Variants in DAB1 observed in about 807,000 individuals in gnomAD.
DAB1 encodes DAB adaptor protein 1, also known as disabled homolog 1.
DAB1 carries 15 observed loss-of-function variants against 64.6 expected under a neutral mutation model. That is an observed-to-expected ratio of 0.23 (90% CI 0.16 to 0.36). The LOEUF is 0.36. Ranked by LOEUF, DAB1 falls within the 10% of genes least tolerant of loss-of-function variation. The pLI, the probability that DAB1 is intolerant of heterozygous loss-of-function variation, is 1.00. For missense variants in DAB1, 596 were observed against 706.7 expected, an observed-to-expected ratio of 0.84 and a Z score of 1.78; for synonymous variants, 235 against 251.9, an observed-to-expected ratio of 0.93 and a Z score of 0.64.
In DAB1 at chr1:57,334,015, A is replaced by G. The variant is rs115234496; in HGVS notation, c.-136-42849T>C. On this transcript the variant is annotated intron_variant, in intron 1 of 14. Transcript: ENST00000371236. The stretch of plus-strand genomic sequence containing the variant: ...AGGAAGTGGTACAATTGAAGCAGGT[A>G]TTTGGGGGAAAGGGAAACCAAAATA... 2.1e-3 allele frequency among the ~76,000 whole-genome samples: 324 copies of G among 152,322 alleles called. 1 individual carries two copies. Among genetic ancestry groups the G allele is most frequent in the Non-Finnish European group, 3.7e-3 (252 of 68,032 alleles).
At chr1:57,170,587 G>A (rs1426706210) in intron 2 of DAB1, among the ~76,000 whole-genome samples, 1 of 152,096 alleles carries the variant, frequency 6.6e-6, no homozygotes, top group African/African-American at 2.4e-5. Context: ...GGAGGTGCAG[G>A]GGCTTTGAGA....
intron 14 of DAB1, among the ~76,000 whole-genome samples, chr1:57,005,853 T>C (rs1268074136): frequency 9.9e-5 from 15 of 152,190 alleles, no homozygotes; most frequent in Non-Finnish European, 1.5e-4. Context: ...AATACCTGAG[T>C]GTTCCTGTGA....
chr1:57,622,133 T>G (rs1352197052), intron 7 of DAB1, among the ~76,000 whole-genome samples: 1 of 152,192 alleles, frequency 6.6e-6, no homozygotes, highest in Non-Finnish European at 1.5e-5. Context: ...TCAATCAGTT[T>G]CAGAAATAAG....
intron 1 of DAB1, among the ~76,000 whole-genome samples, chr1:57,854,726 G>A (rs2101932323): frequency 6.6e-6 from 1 of 152,276 alleles, no homozygotes; most frequent in Non-Finnish European, 1.5e-5. Flanking sequence ...TGAATGTGCT[G>A]AGCTCCATTA....
chr1:58,518,116 G>A (rs1201924758), intron 2 of DAB1, among the ~76,000 whole-genome samples: 3 of 150,048 alleles, frequency 2.0e-5, no homozygotes. Context: ...AACACAGGAG[G>A]TGGTGGTTGC....
intron 3 of DAB1, among the ~76,000 whole-genome samples, chr1:58,412,891 C>G (rs1182595823): frequency 1.3e-5 from 2 of 152,124 alleles, no homozygotes; most frequent in Admixed American, 6.6e-5. Flanking sequence ...TTGTTAAAGT[C>G]ATTTTAGGCT....
At chr1:57,108,602 G>C (rs1278807015) in intron 4 of DAB1, among the ~76,000 whole-genome samples, 1 of 152,136 alleles carries the variant, frequency 6.6e-6, no homozygotes, top group Non-Finnish European at 1.5e-5. Context: ...TCTTGCTTAA[G>C]ACAACCTTCT....
chr1:58,261,364 C>A (rs1043822515), intron 4 of DAB1, among the ~76,000 whole-genome samples: 1 of 152,302 alleles, frequency 6.6e-6, no homozygotes, highest in Admixed American at 6.5e-5. Flanking sequence ...AAATACCTAA[C>A]TCTAGAACTG....
intron 6 of DAB1, among the ~76,000 whole-genome samples, chr1:57,680,273 A>C (rs912088910): frequency 3.9e-5 from 6 of 152,234 alleles, no homozygotes; most frequent in African/African-American, 1.4e-4. Flanking sequence ...CCTACACTTT[A>C]GAGGAATGGT....
At chr1:58,387,321 A>G (rs1320273412) in intron 3 of DAB1, among the ~76,000 whole-genome samples, 1 of 152,242 alleles carries the variant, frequency 6.6e-6, no homozygotes, top group Non-Finnish European at 1.5e-5. Flanking sequence ...TTTAACATGC[A>G]TATCACAAGG....
intron 2 of DAB1, among the ~76,000 whole-genome samples, chr1:58,516,354 A>G (rs1466176921): frequency 6.6e-6 from 1 of 152,230 alleles, no homozygotes; most frequent in Admixed American, 6.5e-5. Flanking sequence ...TAATGACTGC[A>G]AAGTGTCAAA....
intron 3 of DAB1, among the ~76,000 whole-genome samples, chr1:58,427,096 G>A (rs917174736): frequency 2.6e-5 from 4 of 152,168 alleles, no homozygotes; most frequent in African/African-American, 7.2e-5. Flanking sequence ...GGAGTGTGGT[G>A]GAGTAGGGTG....
chr1:58,421,181 A>G (rs1357189609), intron 3 of DAB1, among the ~76,000 whole-genome samples: 1 of 152,208 alleles, frequency 6.6e-6, no homozygotes, highest in Non-Finnish European at 1.5e-5. Flanking sequence ...TATCACCATC[A>G]TCGTAATGCA....
In DAB1 at chr1:57,925,803, G is replaced by A. The variant is rs142224687; in HGVS notation, n.388-41641C>T. 5.1e-3 allele frequency among the ~76,000 whole-genome samples: 775 copies of A among 152,232 alleles called. 6 individuals are homozygous for A. Among genetic ancestry groups the A allele is most frequent in the African/African-American group, 0.018 (733 of 41,536 alleles). On this transcript the variant is annotated intron_variant and non_coding_transcript_variant, in intron 5 of 20. Coordinates refer to the DAB1 transcript ENST00000485760. ...AAGCAAAGGTGTGATTGTGGAGGAGGGGGATGGAGGAGGCAGTCATTCCAC... is the reference window on the plus strand; with the variant it reads ...AAGCAAAGGTGTGATTGTGGAGGAGAGGGATGGAGGAGGCAGTCATTCCAC...
intron 3 of DAB1, among the ~76,000 whole-genome samples, chr1:58,477,039 CA>C (rs1445357289): frequency 6.6e-6 from 1 of 152,156 alleles, no homozygotes; most frequent in Non-Finnish European, 1.5e-5. Context: ...GCAGTATTGC[CA>C]AAAGAACACT....
intron 5 of DAB1, among the ~76,000 whole-genome samples, chr1:58,054,184 T>G (rs1557628719): frequency 6.6e-6 from 1 of 152,256 alleles, no homozygotes; most frequent in Admixed American, 6.5e-5. Context: ...AGAAGTTGCT[T>G]CTGTCTGAAT....
rs556473768 is a variant in DAB1, at chr1:58,543,729, T to C, written n.32+2974A>G. ...AAAAGATTTAAAAGATAGCAATCTC[T>C]GGCAAAGGGATATACAAATTTAAAA... On this transcript the variant is annotated intron_variant and non_coding_transcript_variant, in intron 1 of 20. Coordinates refer to the DAB1 transcript ENST00000485760. Among the ~76,000 whole-genome samples the C allele has an allele frequency of 1.1e-4, 16 of 152,334 alleles. 1 individual carries two copies. The South Asian group carries it at 3.3e-3, about 32-fold the overall frequency.
At chr1:57,682,660 A>G (rs921804731) in intron 6 of DAB1, among the ~76,000 whole-genome samples, 13 of 152,078 alleles carry the variant, frequency 8.5e-5, no homozygotes, top group African/African-American at 2.9e-4. Flanking sequence ...CCCCATGGGC[A>G]TGTGAACTGG....
At chr1:57,688,662 A>C (rs1295476716) in intron 6 of DAB1, among the ~76,000 whole-genome samples, 1 of 152,186 alleles carries the variant, frequency 6.6e-6, no homozygotes, top group Non-Finnish European at 1.5e-5. Context: ...CATGGAATCA[A>C]CCTAGGTGCC....
Sources: allele counts gnomAD v4.1 joint callset (sites outside exome capture counted in the v4.1 genomes callset), GRCh38; gene constraint gnomAD v4.1.1; transcripts MANE v1.5; gene names NCBI Gene and HGNC (gene_info 2026-07-23, HGNC 2026-07-21).